Variants in STRIP2 observed in about 807,000 individuals in gnomAD.
STRIP2 encodes the protein striatin interacting protein 2.
In STRIP2, 84 loss-of-function variants were observed where a neutral mutation model predicts 107.1. The observed-to-expected ratio is 0.78, with a 90% CI of 0.66 to 0.94. The LOEUF (loss-of-function observed/expected upper bound fraction) is 0.94. Ranked by LOEUF, STRIP2 falls within the 40% of genes least tolerant of loss-of-function variation. The pLI, the probability that STRIP2 is intolerant of heterozygous loss-of-function variation, is 0.00. For synonymous variants in STRIP2, 394 were observed against 400.4 expected, an observed-to-expected ratio of 0.98 and a Z score of 0.19; for missense variants, 888 against 1,034.2, an observed-to-expected ratio of 0.86 and a Z score of 1.94.
At position 129,458,254 on chromosome 7, in the gene STRIP2, G is replaced by T; in HGVS notation, c.1078G>T (p.Glu360Ter). 6.2e-7 allele frequency: 1 copy of T among 1,614,152 alleles called. No homozygotes were observed. Among genetic ancestry groups the T allele is most frequent in the Non-Finnish European group, 8.5e-7 (1 of 1,180,028 alleles). ...GCAGGACAGCCTGGACATCTACAAT[G>T]AAAGGGATCTCTTCAAGACTGAGGA... ...TKQDSLDIYNERDLFKTEEPA... is the reference protein window; with the variant it reads ...TKQDSLDIYN The change falls in exon 10 of 21, where the codon GAA becomes TAA. Residue 360 changes from glutamate to a stop codon, truncating the protein, a stop_gained. Transcript: ENST00000249344. LOFTEE classifies it high-confidence loss of function. This position sits in a 1 kb window ranked among gnomAD's most constrained non-coding sequence, Gnocchi z 4.6.
intron 14 of STRIP2, among the ~76,000 whole-genome samples, chr7:129,463,641 A>C (rs1798599862): frequency 6.6e-6 from 1 of 152,188 alleles, no homozygotes; most frequent in Admixed American, 6.5e-5. Context: ...GATTACAGGC[A>C]CATGCCACCA....
At chr7:129,441,391 T>C (rs568455969) in intron 2 of STRIP2, among the ~76,000 whole-genome samples, 2 of 152,244 alleles carry the variant, frequency 1.3e-5, no homozygotes, top group South Asian at 2.1e-4. Flanking sequence ...AAAATTACAC[T>C]TGGGCACAAG....
chr7:129,438,684 G>A (rs1022789609), intron 1 of STRIP2, among the ~76,000 whole-genome samples: 4 of 152,162 alleles, frequency 2.6e-5, no homozygotes, highest in South Asian at 4.1e-4. Flanking sequence ...AAGGCCCTAC[G>A]TTAGACACCA....
chr7:129,470,613 T>G (rs1798767355), intron 17 of STRIP2, 36 bp from the exon 18 acceptor site: 7 of 1,564,638 alleles, frequency 4.5e-6, no homozygotes, highest in Non-Finnish European at 6.2e-6. Context: ...CTGTTGCCAT[T>G]TACCTAAAGC....
At chr7:129,452,054 T>C (rs1798208316) in intron 4 of STRIP2, among the ~76,000 whole-genome samples, 1 of 152,168 alleles carries the variant, frequency 6.6e-6, no homozygotes, top group South Asian at 2.1e-4. Context: ...TGGCCAGAGC[T>C]GATATGTACC....
intron 18 of STRIP2, among the ~76,000 whole-genome samples, chr7:129,476,605 C>T (rs1160913993): frequency 6.6e-6 from 1 of 151,714 alleles, no homozygotes; most frequent in Non-Finnish European, 1.5e-5. Context: ...GTGCTCCCCA[C>T]ATCTCACGAT....
At chr7:129,453,747 A>G (rs1303537514) in intron 5 of STRIP2, among the ~76,000 whole-genome samples, 2 of 152,218 alleles carry the variant, frequency 1.3e-5, no homozygotes, top group African/African-American at 4.8e-5. Flanking sequence ...CTCATGGGCT[A>G]TAGTTCTAGA....
chr7:129,454,245 A>G (rs1209558255), intron 6 of STRIP2, 35 bp downstream of exon 6: 1 of 1,603,704 alleles, frequency 6.2e-7, no homozygotes, highest in Non-Finnish European at 8.5e-7. Flanking sequence ...GGAACAGGGC[A>G]GATGATTAGC....
In STRIP2 at chr7:129,482,859, A is replaced by G. The variant is rs1188998048; in HGVS notation, c.2067A>G (p.Lys689=). Residue 689 remains lysine, a synonymous_variant, in exon 20 of 21, where the codon AAA becomes AAG. Coordinates refer to ENST00000249344, the MANE Select transcript of STRIP2 (RefSeq NM_020704.3). ...ATGAACAGATGCTGGTAGTGTTTAA[A>G]TCGGCACCAATCTTAAAGCGGGCCC... is the stretch of plus-strand genomic sequence containing the variant. ...HSRTMMLVVF[K]SAPILKRALK... is the part of the protein sequence containing the mutation. The G allele has an allele frequency of 6.2e-7, 1 of 1,614,162 alleles. No individual in the cohort carries two copies. The highest frequency in any genetic ancestry group is 8.5e-7 in the Non-Finnish European group (1 of 1,180,042).
rs1799224947 is a variant in STRIP2, at chr7:129,485,564, C to G, written c.2255-15C>G. The G allele has an allele frequency of 6.2e-7, 1 of 1,613,002 alleles. No individual in the cohort carries two copies. The highest frequency in any genetic ancestry group is 2.2e-5 in the East Asian group (1 of 44,836). ...TTGCATTGTATGTCTTCTTCTTCCT[C>G]TCTTTCCAACACAGACATCGATGCC... On this transcript the variant is annotated splice_polypyrimidine_tract_variant and intron_variant, in intron 20 of 20. Coordinates refer to ENST00000249344, the MANE Select transcript of STRIP2 (RefSeq NM_020704.3).
chr7:129,459,778 TA>T (rs1232322244), intron 12 of STRIP2, among the ~76,000 whole-genome samples, 198 bp downstream of exon 12: 1 of 152,236 alleles, frequency 6.6e-6, no homozygotes, highest in Non-Finnish European at 1.5e-5. Context: ...AGGTAGATTT[TA>T]AAATTCTCCT....
intron 16 of STRIP2, among the ~76,000 whole-genome samples, chr7:129,465,140 A>G (rs1233000894): frequency 1.3e-5 from 2 of 152,210 alleles, no homozygotes; most frequent in African/African-American, 4.8e-5. Context: ...AGAATAGGGC[A>G]CAGTTCTGGC....
Position 129,458,613 on chromosome 7 carries a change from A to C in STRIP2, c.1275-99A>C, listed in dbSNP as rs1233656224. On this transcript the variant is annotated intron_variant, in intron 10 of 20. Transcript: ENST00000249344. This position sits in a 1 kb window ranked among gnomAD's most constrained non-coding sequence, Gnocchi z 4.6. ...GATTGCTGCCTTTTTCCACTGCTCC[A>C]GTCCTCTGATTGGAGGGATAGGAGC... The C allele has an allele frequency of 7.9e-6, 11 of 1,396,582 alleles. No individual in the cohort carries two copies. In the East Asian group the frequency reaches 2.5e-4, roughly 32 times the overall value. The allele number at this position is 1,396,582 out of a possible 1,614,324, so 86.5% of individuals were successfully genotyped here.
At chr7:129,447,442 G>A (rs1358910457) in intron 3 of STRIP2, among the ~76,000 whole-genome samples, 4 of 152,126 alleles carry the variant, frequency 2.6e-5, no homozygotes, top group East Asian at 3.9e-4. Flanking sequence ...TTTATTTCCC[G>A]TCCTCTGGCA....
At chr7:129,464,015 G>T in intron 14 of STRIP2, 29 bp from the exon 15 acceptor site, 1 of 1,582,164 alleles carries the variant, frequency 6.3e-7, no homozygotes. Context: ...GTTTGACAGT[G>T]GTAAATTTCT....
chr7:129,442,750 G>A lies in STRIP2; in HGVS notation c.200-1274G>A, dbSNP rs184134660. Among the ~76,000 whole-genome samples, 121 of 152,238 alleles carry A rather than the reference G, an allele frequency of 7.9e-4. No individual in the cohort carries two copies. The Middle Eastern group carries it at 0.014, about 17-fold the overall frequency. On this transcript the variant is annotated intron_variant, in intron 2 of 20. Transcript: ENST00000249344. The stretch of plus-strand genomic sequence containing the variant: ...TGCTTCTGGTCACTCCTAGATTCTG[G>A]AACTTAAGACTCAAAAGCCCTGACT...
At chr7:129,443,175 G>T (rs1434721917) in intron 2 of STRIP2, among the ~76,000 whole-genome samples, 1 of 151,738 alleles carries the variant, frequency 6.6e-6, no homozygotes, top group Non-Finnish European at 1.5e-5. Context: ...AAGTAGCTAG[G>T]ACTACAGTCA....
At position 129,454,148 on chromosome 7, in the gene STRIP2, C is replaced by G; in HGVS notation, c.537C>G (p.Ser179Arg). ...TTTTCTCCTCCCCTGGCAGCAACAG[C>G]CAGGCCTGTAGCAGTGCCCTTCGGA... ...LELLHMEIDN[S>R]QACSSALRKP... Residue 179 changes from serine (S) to arginine (R), a missense_variant, in exon 6 of 21, where the codon AGC becomes AGG. By Grantham distance (110) the Ser-to-Arg change is moderately radical. Coordinates refer to ENST00000249344, the MANE Select transcript of STRIP2 (RefSeq NM_020704.3). 1 of 1,614,044 alleles carries G rather than the reference C, an allele frequency of 6.2e-7. No homozygotes were observed. The highest frequency in any genetic ancestry group is 8.5e-7 in the Non-Finnish European group (1 of 1,179,984).
rs149143279 is a variant in STRIP2, at chr7:129,479,810, A to G, written c.1945-975A>G. On this transcript the variant is annotated intron_variant, in intron 18 of 20. Transcript: ENST00000249344. ...ACCGACCTATAAATAATATTTCTAA[A>G]TAAGAAATTTCCCTGAAACTTTTTG... Among the ~76,000 whole-genome samples, 156 of 152,286 alleles carry G rather than the reference A, an allele frequency of 1.0e-3. 3 individuals carry two copies. The highest frequency in any genetic ancestry group is 6.6e-4 in the Non-Finnish European group (45 of 68,020).
Sources: allele counts gnomAD v4.1 joint callset (sites outside exome capture counted in the v4.1 genomes callset), GRCh38; gene constraint gnomAD v4.1.1; non-coding constraint Gnocchi (gnomAD v3.1); transcripts MANE v1.5; gene names NCBI Gene and HGNC (gene_info 2026-07-23, HGNC 2026-07-21).